The following NGEF variants were observed in gnomAD, a reference collection of about 807,000 sequenced individuals.
NGEF encodes the protein neuronal guanine nucleotide exchange factor.
NGEF carries 31 observed loss-of-function variants against 80.9 expected under a neutral mutation model. The observed-to-expected ratio is 0.38, with a 90% CI of 0.29 to 0.52. The LOEUF (loss-of-function observed/expected upper bound fraction) is 0.52, where lower values mean the gene tolerates loss of function less well. Ranked by LOEUF, NGEF falls within the 20% of genes least tolerant of loss-of-function variation. NGEF has a pLI of 0.84. For missense variants in NGEF, 709 were observed against 926.2 expected (o/e 0.77, Z 3.04); for synonymous variants, 371 against 370.2 (o/e 1.00, Z -0.03).
chr2:232,953,284 A>G (rs1021782828), intron 3 of NGEF, among the ~76,000 whole-genome samples: 4 of 140,896 alleles, frequency 2.8e-5, no homozygotes, highest in African/African-American at 7.9e-5. Context: ...CCTGGGTTAC[A>G]GAGCGAGACT....
chr2:232,905,138 C>T (rs1692465703), intron 5 of NGEF, among the ~76,000 whole-genome samples: 1 of 151,884 alleles, frequency 6.6e-6, no homozygotes. Flanking sequence ...TCCACGGTCT[C>T]CCTCTCATGC....
intron 8 of NGEF, among the ~76,000 whole-genome samples, chr2:232,890,780 G>A (rs929897292): frequency 2.0e-5 from 3 of 152,084 alleles, no homozygotes; most frequent in African/African-American, 4.8e-5. Flanking sequence ...AGCAGCCAGG[G>A]CCAGCTCCTA....
chr2:232,980,496 C>T (rs1475387580), intron 1 of NGEF, among the ~76,000 whole-genome samples: 2 of 151,902 alleles, frequency 1.3e-5, no homozygotes, highest in Non-Finnish European at 2.9e-5. Flanking sequence ...GACTGCATTT[C>T]TTTTTTCTTT....
chr2:232,937,117 G>A (rs570723311), intron 3 of NGEF, among the ~76,000 whole-genome samples: 6 of 152,194 alleles, frequency 3.9e-5, no homozygotes, highest in South Asian at 4.2e-4. Context: ...TTACAGGTGC[G>A]CACCACCATG....
chr2:232,996,773 G>C (rs1318203665), intron 1 of NGEF, among the ~76,000 whole-genome samples: 3 of 152,166 alleles, frequency 2.0e-5, no homozygotes, highest in Non-Finnish European at 4.4e-5. Context: ...GGGATTACAG[G>C]TGTGAGCCAC....
At chr2:232,966,682 A>G (rs1228293557) in intron 3 of NGEF, among the ~76,000 whole-genome samples, 1 of 152,132 alleles carries the variant, frequency 6.6e-6, no homozygotes, top group Non-Finnish European at 1.5e-5. Flanking sequence ...AAAATGCAGA[A>G]ATATTTGTGT....
At chr2:233,002,809 C>T (rs905031859) in intron 1 of NGEF, among the ~76,000 whole-genome samples, 2 of 152,234 alleles carry the variant, frequency 1.3e-5, no homozygotes, top group Admixed American at 6.5e-5. Context: ...TCATGTCAGC[C>T]TGGTCCACTG....
intron 3 of NGEF, chr2:232,928,065 G>C (rs1230893237): frequency 8.7e-7 from 1 of 1,151,068 alleles, no homozygotes; most frequent in Admixed American, 4.8e-5. Flanking sequence ...GGGCTGGGTC[G>C]GGGGCGACTA....
intron 1 of NGEF, among the ~76,000 whole-genome samples, chr2:232,993,284 A>G (rs928484797): frequency 1.1e-5 from 1 of 92,408 alleles, no homozygotes; most frequent in South Asian, 5.3e-4. Flanking sequence ...CATGTCTCCA[A>G]AAGACATACA....
intron 1 of NGEF, among the ~76,000 whole-genome samples, chr2:232,978,699 C>T (rs1035900004): frequency 2.0e-5 from 3 of 152,062 alleles, no homozygotes; most frequent in Admixed American, 2.0e-4. Context: ...GCCCCGGCAA[C>T]CACCAATTAG....
intron 3 of NGEF, among the ~76,000 whole-genome samples, chr2:232,964,229 C>T (rs1236375618): frequency 1.3e-5 from 2 of 152,130 alleles, no homozygotes; most frequent in Admixed American, 6.5e-5. Context: ...CTAGCAAGTC[C>T]ACTCCTGGGT....
chr2:232,917,518 GGAGTGCAACGGT>G (rs1311347225), intron 5 of NGEF, among the ~76,000 whole-genome samples: 1 of 150,652 alleles, frequency 6.6e-6, no homozygotes, highest in Non-Finnish European at 1.5e-5. Context: ...CGCCTGGGCT[GGAGTGCAACGGT>G]GAGATCTTGG....
rs984150217 is a variant in NGEF, at chr2:232,974,178, A to G, written c.268+445T>C. On this transcript the variant is annotated intron_variant, in intron 2 of 14. Transcript: ENST00000264051. ...GATTAAGAAGTCTTGCTGCAAATCT[A>G]TTCCCAAGGTTTTAATCTCATTTAT... Among the ~76,000 whole-genome samples, 22 of 152,336 alleles carry G rather than the reference A, an allele frequency of 1.4e-4. 1 individual carries two copies. The highest frequency in any genetic ancestry group is 9.8e-4 in the Admixed American group (15 of 15,304).
intron 1 of NGEF, among the ~76,000 whole-genome samples, chr2:232,992,455 G>A (rs1360932480): frequency 6.6e-6 from 1 of 152,124 alleles, no homozygotes; most frequent in Admixed American, 6.6e-5. Context: ...CTACTTGGGA[G>A]ACTGAAGTGG....
At chr2:232,996,451 C>T (rs139926288) in intron 1 of NGEF, among the ~76,000 whole-genome samples, 7 of 152,278 alleles carry the variant, frequency 4.6e-5, no homozygotes, top group African/African-American at 1.4e-4. Flanking sequence ...GGCCGCTGAG[C>T]GCAGTGATTC....
chr2:232,905,720 TC>T (rs1399914608), intron 5 of NGEF: 1 of 389,574 alleles, frequency 2.6e-6, no homozygotes, highest in African/African-American at 2.3e-5. Context: ...CGGCCGCCCA[TC>T]GTCTGAGATG....
At position 232,879,420 on chromosome 2, in the gene NGEF, GCCCCCC is replaced by G; in HGVS notation, c.*63_*68del. The G allele has an allele frequency of 8.1e-7, 1 of 1,228,152 alleles. No homozygotes were observed. Among genetic ancestry groups the G allele is most frequent in the Non-Finnish European group, 1.1e-6 (1 of 888,926 alleles). 76.1% of individuals were successfully genotyped at this position (1,228,152 alleles called of 1,614,324 possible). On this transcript the variant is annotated 3_prime_UTR_variant, in exon 15 of 15. Coordinates refer to ENST00000264051, the MANE Select transcript of NGEF (RefSeq NM_019850.3). Reference sequence around the variant, plus strand: ...GAGGTGCTGGCCTGTGCTTCCCAGAGCCCCCCCCCCCCCACCTTCTGTCGGGGTCTC... The same window carrying G: ...GAGGTGCTGGCCTGTGCTTCCCAGAGCCCCCCCACCTTCTGTCGGGGTCTC...
At chr2:232,959,252 G>A (rs923752017) in intron 3 of NGEF, among the ~76,000 whole-genome samples, 1 of 151,232 alleles carries the variant, frequency 6.6e-6, no homozygotes, top group Admixed American at 6.6e-5. Flanking sequence ...GCATGGTGTT[G>A]TTTAACCTGT....
intron 2 of NGEF, 38 bp downstream of exon 2, chr2:232,974,585 G>T (rs759019638): frequency 6.2e-7 from 1 of 1,600,016 alleles, no homozygotes; most frequent in Non-Finnish European, 8.5e-7. Flanking sequence ...CCAGTTGGAT[G>T]TAAGGGAACA....
Sources: gnomAD v4.1 joint callset for allele counts (sites outside exome capture counted in the v4.1 genomes callset) on GRCh38, gnomAD v4.1.1 for gene constraint, MANE v1.5 for transcripts, NCBI Gene and HGNC (gene_info 2026-07-23, HGNC 2026-07-21) for gene names.